CSMD1: variants seen among roughly 807,000 people sequenced by gnomAD.
The protein encoded by CSMD1 is CUB and Sushi multiple domains 1, also known as CUB and sushi domain-containing protein 1.
A neutral mutation model predicts 417.5 loss-of-function variants in CSMD1; 213 were observed. The observed-to-expected ratio is 0.51, with a 90% CI of 0.46 to 0.57. CSMD1 has a LOEUF of 0.57. CSMD1 is among the 20% of genes least tolerant of loss of function. CSMD1 has a pLI of 0.00. For synonymous variants in CSMD1, 2,862 were observed against 1,736.8 expected (o/e 1.65, Z -16.11); for missense variants, 6,923 against 4,529.7 (o/e 1.53, Z -15.17).
At chr8:4,622,911 G>C (rs1354995559) in intron 2 of CSMD1, among the ~76,000 whole-genome samples, 1 of 152,018 alleles carries the variant, frequency 6.6e-6, no homozygotes, top group Non-Finnish European at 1.5e-5. Flanking sequence ...AATTTAGGAA[G>C]GTCACGGAAT....
At chr8:4,114,957 A>C (rs535085092) in intron 3 of CSMD1, among the ~76,000 whole-genome samples, 2 of 152,358 alleles carry the variant, frequency 1.3e-5, no homozygotes, top group African/African-American at 4.8e-5. Flanking sequence ...AGATGCCATA[A>C]ACATTGTTGA....
chr8:3,035,236 C>G (rs892832268), intron 50 of CSMD1, among the ~76,000 whole-genome samples: 1 of 152,144 alleles, frequency 6.6e-6, no homozygotes, highest in Non-Finnish European at 1.5e-5. Flanking sequence ...TACTGCAGAG[C>G]GCGGCTGCTC....
Position 4,037,089 on chromosome 8 carries a change from T to A in CSMD1, c.416-4990A>T, listed in dbSNP as rs185216954. ...GCTCTGGCCACCCACAACCCAAAAC[T>A]GGAATAATTGGATAAATTATTTTAC... On this transcript the variant is annotated intron_variant, in intron 3 of 69. Transcript: ENST00000635120. Among the ~76,000 whole-genome samples, 15 of 152,244 alleles carry A rather than the reference T, an allele frequency of 9.9e-5. No homozygotes were observed. The East Asian group carries it at 2.7e-3, about 27-fold the overall frequency.
chr8:4,829,544 G>C (rs1053932837), intron 1 of CSMD1, among the ~76,000 whole-genome samples: 1 of 152,140 alleles, frequency 6.6e-6, no homozygotes, highest in South Asian at 2.1e-4. Context: ...GAGTTCAAGA[G>C]CAGTCTGGGC....
intron 6 of CSMD1, among the ~76,000 whole-genome samples, chr8:3,743,001 G>A (rs561405844): frequency 3.3e-5 from 5 of 152,282 alleles, no homozygotes; most frequent in East Asian, 1.9e-4. Context: ...TAAAATCCAC[G>A]CCACCCTTGG....
chr8:3,687,715 T>C (rs1343189775), intron 7 of CSMD1, among the ~76,000 whole-genome samples: 1 of 152,138 alleles, frequency 6.6e-6, no homozygotes, highest in Non-Finnish European at 1.5e-5. Context: ...CTGGTGGCCT[T>C]TGGAAGCACG....
chr8:4,077,763 T>A (rs1449114116), intron 3 of CSMD1, among the ~76,000 whole-genome samples: 1 of 152,230 alleles, frequency 6.6e-6, no homozygotes, highest in African/African-American at 2.4e-5. Context: ...TATTGCCCTA[T>A]GATAAGCATT....
chr8:4,344,444 C>T (rs1866272), intron 3 of CSMD1, among the ~76,000 whole-genome samples: 1 of 151,798 alleles, frequency 6.6e-6, no homozygotes, highest in Non-Finnish European at 1.5e-5. Flanking sequence ...AACTGAACTG[C>T]TCAAAGATGC....
At chr8:3,474,787 GCTTT>G (rs1450654391) in intron 11 of CSMD1, among the ~76,000 whole-genome samples, 1 of 152,028 alleles carries the variant, frequency 6.6e-6, no homozygotes, top group Non-Finnish European at 1.5e-5. Context: ...AACTAGTCTT[GCTTT>G]CTTTAACACA....
intron 38 of CSMD1, 99 bp downstream of exon 38, chr8:3,162,060 T>G: frequency 1.4e-6 from 1 of 737,618 alleles, no homozygotes. Context: ...ACAAACTGAG[T>G]GAGGAAAACA....
intron 6 of CSMD1, among the ~76,000 whole-genome samples, chr8:3,715,573 CA>C (rs1346724444): frequency 6.6e-6 from 1 of 152,138 alleles, no homozygotes; most frequent in Non-Finnish European, 1.5e-5. Flanking sequence ...GACAGAGTCT[CA>C]CTCTGTCATC....
chr8:4,587,458 T>G (rs1476617726), intron 2 of CSMD1, among the ~76,000 whole-genome samples: 1 of 151,868 alleles, frequency 6.6e-6, no homozygotes, highest in African/African-American at 2.4e-5. Flanking sequence ...TACATATATA[T>G]GTATATGTAG....
intron 2 of CSMD1, among the ~76,000 whole-genome samples, chr8:4,533,718 A>C (rs896645301): frequency 6.6e-6 from 1 of 152,108 alleles, no homozygotes; most frequent in East Asian, 1.9e-4. Flanking sequence ...CACAGAGAGA[A>C]AAACCTAAAA....
intron 5 of CSMD1, among the ~76,000 whole-genome samples, chr8:3,802,824 C>A (rs566021373): frequency 2.6e-5 from 4 of 152,164 alleles, no homozygotes; most frequent in African/African-American, 9.6e-5. Context: ...GTTTCTCCAT[C>A]AAGTGAAGGG....
chr8:4,394,270 C>A (rs894441549), intron 3 of CSMD1, among the ~76,000 whole-genome samples: 2 of 152,080 alleles, frequency 1.3e-5, no homozygotes, highest in Non-Finnish European at 2.9e-5. Flanking sequence ...TAAAAATTGA[C>A]ATATATAATG....
At chr8:3,075,818 G>A (rs1333791885) in intron 49 of CSMD1, among the ~76,000 whole-genome samples, 1 of 151,040 alleles carries the variant, frequency 6.6e-6, no homozygotes, top group Non-Finnish European at 1.5e-5. Context: ...AAGGCGGGTG[G>A]ATCACAAGGT....
At chr8:3,730,486 C>G (rs1225193579) in intron 6 of CSMD1, among the ~76,000 whole-genome samples, 2 of 150,916 alleles carry the variant, frequency 1.3e-5, no homozygotes, top group African/African-American at 4.9e-5. Context: ...TCCATTATCC[C>G]TTAATTGACT....
At chr8:3,561,813 T>C (rs552955817) in intron 10 of CSMD1, among the ~76,000 whole-genome samples, 32 of 152,226 alleles carry the variant, frequency 2.1e-4, no homozygotes, top group African/African-American at 7.2e-4. Context: ...AAAAAAGTAG[T>C]ATCTATAAAG....
chr8:4,295,116 A>ACACATATAATCTTAAGATTACG (rs1797589953), intron 3 of CSMD1, among the ~76,000 whole-genome samples: 3 of 82,724 alleles, frequency 3.6e-5, no homozygotes, highest in African/African-American at 1.0e-4. Flanking sequence ...TTAAGATTAC[A>ACACATATAATCTTAAGATTACG]CACATATAAT....
Sources: gnomAD v4.1 joint callset for allele counts (sites outside exome capture counted in the v4.1 genomes callset) on GRCh38, gnomAD v4.1.1 for gene constraint, MANE v1.5 for transcripts, NCBI Gene and HGNC (gene_info 2026-07-23, HGNC 2026-07-21) for gene names.